Variants in NELL2 observed in about 807,000 individuals in gnomAD.
The protein encoded by NELL2 is neural EGFL like 2, also known as protein kinase C-binding protein NELL2.
NELL2 carries 41 observed loss-of-function variants against 109.6 expected under a neutral mutation model. The ratio of observed to expected loss-of-function variants is 0.37; its 90% CI spans 0.29 to 0.49. The LOEUF is 0.49. Among genes scored for constraint, NELL2 ranks in the 20% least tolerant of loss-of-function variants. The probability of loss-of-function intolerance (pLI) is 0.98; values close to 1 mark genes in which losing one functional copy is unlikely to be tolerated. For synonymous variants in NELL2, 355 were observed against 344.7 expected, an observed-to-expected ratio of 1.03 and a Z score of -0.33; for missense variants, 900 against 1,008.3, an observed-to-expected ratio of 0.89 and a Z score of 1.45.
intron 9 of NELL2, among the ~76,000 whole-genome samples, chr12:44,749,111 G>T (rs975758249): frequency 1.3e-5 from 2 of 152,054 alleles, no homozygotes; most frequent in Non-Finnish European, 2.9e-5. Flanking sequence ...CATTGACAAG[G>T]GTTTGAATCA....
intron 2 of NELL2, among the ~76,000 whole-genome samples, chr12:44,868,389 C>T (rs1050192468): frequency 3.9e-5 from 6 of 152,078 alleles, no homozygotes; most frequent in Non-Finnish European, 8.8e-5. Flanking sequence ...TACTGCGACC[C>T]TTATTAAAAT....
intron 2 of NELL2, among the ~76,000 whole-genome samples, chr12:44,819,496 T>A (rs990607347): frequency 1.1e-4 from 17 of 152,218 alleles, no homozygotes; most frequent in African/African-American, 3.9e-4. Flanking sequence ...GTCAGGCATG[T>A]TGATGAGGGA....
intron 15 of NELL2, among the ~76,000 whole-genome samples, chr12:44,538,450 T>A (rs75937745): frequency 0.015 from 2,305 of 152,350 alleles, 69 homozygotes; most frequent in African/African-American, 0.053. Context: ...CACGTTCACA[T>A]TCATCATTTG....
intron 9 of NELL2, among the ~76,000 whole-genome samples, chr12:44,754,178 C>A (rs1409507682): frequency 6.6e-6 from 1 of 152,108 alleles, no homozygotes; most frequent in Non-Finnish European, 1.5e-5. Context: ...TTACTTCTAT[C>A]AATCTAACAA....
At chr12:44,576,061 T>C (rs1944069953) in intron 15 of NELL2, among the ~76,000 whole-genome samples, 1 of 152,294 alleles carries the variant, frequency 6.6e-6, no homozygotes, top group East Asian at 1.9e-4. Flanking sequence ...GCTGTCCCCA[T>C]CACAGGCTCT....
intron 2 of NELL2, among the ~76,000 whole-genome samples, chr12:44,838,185 C>T (rs1007420036): frequency 1.3e-5 from 2 of 152,078 alleles, no homozygotes; most frequent in Non-Finnish European, 2.9e-5. Flanking sequence ...TTAGAAGATG[C>T]ATCATGAAAA....
intron 15 of NELL2, among the ~76,000 whole-genome samples, chr12:44,569,745 C>T (rs538626327): frequency 2.0e-5 from 3 of 151,662 alleles, no homozygotes; most frequent in African/African-American, 4.9e-5. Context: ...ATATTAACTA[C>T]ATTTTGATCT....
chr12:44,792,074 G>A (rs969281489), intron 3 of NELL2, among the ~76,000 whole-genome samples: 54 of 152,114 alleles, frequency 3.5e-4, no homozygotes, highest in Admixed American at 3.3e-3. Context: ...GACGAGGATG[G>A]TGCCTCAAAA....
intron 15 of NELL2, among the ~76,000 whole-genome samples, chr12:44,559,762 C>T (rs148109418): frequency 6.6e-6 from 1 of 152,254 alleles, no homozygotes; most frequent in African/African-American, 2.4e-5. Flanking sequence ...CAATATTAGA[C>T]AGATCAATGA....
chr12:44,798,371 G>T (rs1191919187), intron 3 of NELL2, among the ~76,000 whole-genome samples: 2 of 151,620 alleles, frequency 1.3e-5, no homozygotes, highest in Admixed American at 6.6e-5. Context: ...AGGCTCACTG[G>T]ATAAAATATC....
chr12:44,803,025 T>C (rs1942885315), intron 3 of NELL2, among the ~76,000 whole-genome samples: 1 of 152,068 alleles, frequency 6.6e-6, no homozygotes, highest in South Asian at 2.1e-4. Context: ...GCAAGGTTAA[T>C]ATCACCAGTG....
intron 15 of NELL2, among the ~76,000 whole-genome samples, chr12:44,556,248 G>A (rs1222967976): frequency 6.6e-6 from 1 of 152,164 alleles, no homozygotes; most frequent in Non-Finnish European, 1.5e-5. Flanking sequence ...ACCATGTTGG[G>A]CACTGTGGAT....
At chr12:44,621,226 G>A (rs1946046980) in intron 13 of NELL2, among the ~76,000 whole-genome samples, 1 of 152,066 alleles carries the variant, frequency 6.6e-6, no homozygotes, top group Non-Finnish European at 1.5e-5. Flanking sequence ...CTCCCACTCA[G>A]ATCACACAAA....
intron 2 of NELL2, among the ~76,000 whole-genome samples, chr12:44,831,501 T>A (rs973061027): frequency 6.6e-6 from 1 of 152,214 alleles, no homozygotes; most frequent in Non-Finnish European, 1.5e-5. Context: ...GGCAGATTGC[T>A]AACTGTCCTC....
chr12:44,863,009 A>G (rs1241231577), intron 2 of NELL2, among the ~76,000 whole-genome samples: 1 of 152,202 alleles, frequency 6.6e-6, no homozygotes, highest in Non-Finnish European at 1.5e-5. Context: ...TTTGTTACAT[A>G]GGTATACACG....
intron 2 of NELL2, among the ~76,000 whole-genome samples, chr12:44,870,779 T>C (rs1412004406): frequency 1.3e-5 from 2 of 152,134 alleles, no homozygotes; most frequent in East Asian, 3.9e-4. Context: ...TACACAGGGC[T>C]CACCCAGATA....
intron 9 of NELL2, among the ~76,000 whole-genome samples, chr12:44,745,980 G>T (rs975192749): frequency 1.3e-5 from 2 of 152,024 alleles, no homozygotes; most frequent in African/African-American, 4.8e-5. Context: ...AAAAGAGCCC[G>T]CATTGCCAAG....
chr12:44,657,330 A>T (rs796420477), intron 13 of NELL2, among the ~76,000 whole-genome samples: 10 of 152,264 alleles, frequency 6.6e-5, no homozygotes, highest in Admixed American at 2.0e-4. Context: ...AGAGAGAGAG[A>T]GTGTGTGTGC....
intron 1 of NELL2, among the ~76,000 whole-genome samples, chr12:44,903,146 C>T (rs1054058448): frequency 2.0e-5 from 3 of 150,780 alleles, no homozygotes; most frequent in African/African-American, 7.3e-5. Flanking sequence ...TGCAATCTAT[C>T]CAGTGGGGCT....
Sources: gnomAD v4.1 joint callset for allele counts (sites outside exome capture counted in the v4.1 genomes callset) on GRCh38, gnomAD v4.1.1 for gene constraint, MANE v1.5 for transcripts, NCBI Gene and HGNC (gene_info 2026-07-23, HGNC 2026-07-21) for gene names.